CDH9: variants seen among roughly 807,000 people sequenced by gnomAD.
CDH9 encodes the protein cadherin 9.
A neutral mutation model predicts 70.9 loss-of-function variants in CDH9; 28 were observed. The ratio of observed to expected loss-of-function variants is 0.40; its 90% confidence interval spans 0.29 to 0.54. The LOEUF (loss-of-function observed/expected upper bound fraction) is 0.54. Among genes scored for constraint, CDH9 ranks in the 20% least tolerant of loss-of-function variants. The pLI is 0.59. For synonymous variants in CDH9, 409 were observed against 343.1 expected (o/e 1.19, Z -2.12); for missense variants, 874 against 984.4 (o/e 0.89, Z 1.50).
intron 3 of CDH9, among the ~76,000 whole-genome samples, chr5:26,907,985 A>C (rs1740979426): frequency 6.6e-6 from 1 of 152,162 alleles, no homozygotes. Flanking sequence ...TGCCAATTCC[A>C]AAAATTAATA....
intron 7 of CDH9, among the ~76,000 whole-genome samples, chr5:26,897,044 T>C (rs1429175273): frequency 1.3e-5 from 2 of 152,022 alleles, no homozygotes; most frequent in African/African-American, 4.8e-5. Context: ...TAAAAACCTC[T>C]ATGCATATAA....
At chr5:26,998,145 T>G (rs529203453) in intron 1 of CDH9, among the ~76,000 whole-genome samples, 121 of 152,322 alleles carry the variant, frequency 7.9e-4, no homozygotes, top group African/African-American at 2.7e-3. Flanking sequence ...TGTTAATACT[T>G]GCCTTTGAGC....
intron 11 of CDH9, 35 bp downstream of exon 11, chr5:26,885,579 T>G: frequency 6.3e-7 from 1 of 1,587,214 alleles, no homozygotes; most frequent in Non-Finnish European, 8.6e-7. Flanking sequence ...GAGATTTTTG[T>G]GAGTTAAAGG....
intron 2 of CDH9, among the ~76,000 whole-genome samples, chr5:26,923,675 A>C (rs2112015159): frequency 6.6e-6 from 1 of 152,178 alleles, no homozygotes; most frequent in East Asian, 1.9e-4. Flanking sequence ...CACAAAACAT[A>C]TTTTGAAAAT....
chr5:27,017,041 TTCTTCTTTC>T (rs1743057652), intron 1 of CDH9, among the ~76,000 whole-genome samples: 1 of 151,938 alleles, frequency 6.6e-6, no homozygotes, highest in African/African-American at 2.4e-5. Flanking sequence ...GTTCTTTCTA[TTCTTCTTTC>T]TATTCTTTCT....
chr5:26,953,131 G>T (rs2054485), intron 2 of CDH9, among the ~76,000 whole-genome samples: 149,779 of 152,204 alleles, frequency 0.98, 73,753 homozygotes, highest in Middle Eastern at 1. Context: ...TCTCTATCTT[G>T]TATTGTAAAA....
chr5:26,950,633 T>G (rs1579471140), intron 2 of CDH9, among the ~76,000 whole-genome samples: 1 of 152,304 alleles, frequency 6.6e-6, no homozygotes, highest in African/African-American at 2.4e-5. Flanking sequence ...TGAAATATTT[T>G]GTATAAAAAT....
At chr5:26,906,305 C>T (rs536159353) in intron 4 of CDH9, among the ~76,000 whole-genome samples, 179 bp from the exon 5 acceptor site, 36 of 152,208 alleles carry the variant, frequency 2.4e-4, no homozygotes, top group South Asian at 4.1e-4. Flanking sequence ...GATTTTCCCA[C>T]GGGCTATAGT....
chr5:26,882,866 C>T (rs76579767), intron 11 of CDH9, among the ~76,000 whole-genome samples: 13,486 of 150,852 alleles, frequency 0.089, 767 homozygotes, highest in African/African-American at 0.17. Flanking sequence ...CAACATGGCC[C>T]GTGAGGCCCC....
chr5:26,903,432 AG>A (rs1370911238), intron 6 of CDH9: 11 of 668,750 alleles, frequency 1.6e-5, no homozygotes, highest in Non-Finnish European at 2.7e-5. Context: ...TTCTAGTTTT[AG>A]CATGAACAAC....
intron 7 of CDH9, among the ~76,000 whole-genome samples, chr5:26,897,670 A>C (rs181003127): frequency 6.6e-6 from 1 of 152,064 alleles, no homozygotes; most frequent in Non-Finnish European, 1.5e-5. Context: ...AACGTATCTC[A>C]AAATAGTAAG....
chr5:26,897,674 TAGTA>T (rs200673271), intron 7 of CDH9, among the ~76,000 whole-genome samples: 3,174 of 152,224 alleles, frequency 0.021, 58 homozygotes, highest in Middle Eastern at 0.082. Context: ...TATCTCAAAA[TAGTA>T]AGAGTTATTT....
At position 26,887,881 on chromosome 5, in the gene CDH9, A is replaced by G. The variant is rs1740591570; in HGVS notation, c.1513-1798T>C. Among the ~76,000 whole-genome samples the G allele has an allele frequency of 2.0e-5, 3 of 152,134 alleles. 1 individual carries two copies. In the South Asian group the frequency reaches 6.2e-4, roughly 32 times the overall value. On this transcript the variant is annotated intron_variant, in intron 9 of 11. Transcript: ENST00000231021. ...GATGTCAAGGATGGCTGGCAAGCAC[A>G]TGAAGCTAGAAAGTGCCAAGGGAGG...
chr5:27,025,086 T>C (rs76414225), intron 1 of CDH9, among the ~76,000 whole-genome samples: 3,580 of 152,174 alleles, frequency 0.024, 154 homozygotes, highest in African/African-American at 0.082. Context: ...AAAATCCAAA[T>C]TGGGTATTAT....
At chr5:26,919,185 T>C (rs1274669977) in intron 2 of CDH9, among the ~76,000 whole-genome samples, 1 of 152,104 alleles carries the variant, frequency 6.6e-6, no homozygotes, top group Admixed American at 6.5e-5. Context: ...GAAAAGACAG[T>C]CTTGAATTGG....
intron 1 of CDH9, among the ~76,000 whole-genome samples, chr5:27,024,109 A>G (rs1202326697): frequency 2.6e-5 from 4 of 151,896 alleles, no homozygotes; most frequent in Non-Finnish European, 5.9e-5. Flanking sequence ...TAATTTCATT[A>G]GAAACCATTT....
chr5:27,008,825 A>T (rs1742910090), intron 1 of CDH9, among the ~76,000 whole-genome samples: 1 of 152,178 alleles, frequency 6.6e-6, no homozygotes, highest in Admixed American at 6.6e-5. Context: ...ATGACAGCTC[A>T]TTGTTTGTAA....
At chr5:26,893,542 C>T (rs185858924) in intron 7 of CDH9, among the ~76,000 whole-genome samples, 29 of 152,072 alleles carry the variant, frequency 1.9e-4, no homozygotes, top group Admixed American at 8.5e-4. Flanking sequence ...AATTTAGGCA[C>T]TTAAAATACA....
intron 2 of CDH9, among the ~76,000 whole-genome samples, chr5:26,959,669 A>G (rs75979829): frequency 0.012 from 1,826 of 152,198 alleles, 37 homozygotes; most frequent in African/African-American, 0.041. Context: ...ATATTACTCA[A>G]CCTTAAAAAT....
Sources: gnomAD v4.1 joint callset for allele counts (sites outside exome capture counted in the v4.1 genomes callset) on GRCh38, gnomAD v4.1.1 for gene constraint, MANE v1.5 for transcripts, NCBI Gene and HGNC (gene_info 2026-07-23, HGNC 2026-07-21) for gene names.